Variants in DENND1B observed in about 807,000 individuals in gnomAD.
DENND1B encodes DENN domain containing 1B, also known as DENN domain-containing protein 1B.
A neutral mutation model predicts 90.1 loss-of-function variants in DENND1B; 59 were observed. The observed-to-expected ratio is 0.65, with a 90% CI of 0.53 to 0.81. DENND1B has a LOEUF of 0.81. Ranked by LOEUF, DENND1B falls within the 40% of genes least tolerant of loss-of-function variation. The probability of loss-of-function intolerance (pLI) is 0.00; values close to 1 mark genes in which losing one functional copy is unlikely to be tolerated. For synonymous variants in DENND1B, 337 were observed against 324.6 expected, an observed-to-expected ratio of 1.04 and a Z score of -0.41; for missense variants, 862 against 912.6, an observed-to-expected ratio of 0.94 and a Z score of 0.71.
chr1:197,738,007 G>A (rs144900618), intron 2 of DENND1B, among the ~76,000 whole-genome samples: 28 of 84,418 alleles, frequency 3.3e-4, no homozygotes, highest in African/African-American at 1.1e-3. Context: ...TTTTCTTCCC[G>A]CAGGTTTTGA....
At chr1:197,761,445 A>G (rs1336668077) in intron 2 of DENND1B, among the ~76,000 whole-genome samples, 4 of 152,204 alleles carry the variant, frequency 2.6e-5, no homozygotes, top group Non-Finnish European at 5.9e-5. Context: ...ATAGACCTTG[A>G]GGACATATGA....
At chr1:197,612,080 C>G (rs948108717) in intron 11 of DENND1B, 104 bp from the exon 12 acceptor site, 2 of 865,654 alleles carry the variant, frequency 2.3e-6, no homozygotes, top group Non-Finnish European at 3.6e-6. Context: ...ATTAAATGCT[C>G]AGTTCCAGCA....
At chr1:197,743,935 G>C (rs1298426914) in intron 2 of DENND1B, among the ~76,000 whole-genome samples, 19 of 152,194 alleles carry the variant, frequency 1.2e-4, no homozygotes, top group Admixed American at 1.2e-3. Context: ...TTCACCAGTA[G>C]ATTCCATCTT....
At position 197,775,286 on chromosome 1, in the gene DENND1B, G is replaced by T; in HGVS notation, c.-131C>A. The T allele has an allele frequency of 2.9e-6, 2 of 687,084 alleles. No individual in the cohort carries two copies. The highest frequency in any genetic ancestry group is 4.7e-5 in the Admixed American group (1 of 21,342). 42.6% of individuals were successfully genotyped at this position (687,084 alleles called of 1,614,324 possible). A position where few individuals can be genotyped will look rare whatever the true frequency, so the allele number is the denominator to read the frequency against. ...CACACAGGGAAAGAGGCTGCTCACA[G>T]CAGCCGTGGCGGCGGGCCCATGTCG... On this transcript the variant is annotated 5_prime_UTR_variant, in exon 1 of 23. It adds an upstream start codon to the 5' untranslated region. Transcript: ENST00000620048.
chr1:197,713,701 AT>A (rs1660190975), intron 3 of DENND1B, among the ~76,000 whole-genome samples: 1 of 94,830 alleles, frequency 1.1e-5, no homozygotes, highest in Non-Finnish European at 2.0e-5. Context: ...AACCTGCACA[AT>A]GTGCACATGT....
At chr1:197,615,015 G>A (rs528258534) in intron 11 of DENND1B, among the ~76,000 whole-genome samples, 5 of 151,044 alleles carry the variant, frequency 3.3e-5, no homozygotes, top group African/African-American at 1.2e-4. Context: ...TTCCTCCCAG[G>A]CACCTTCCCT....
chr1:197,770,807 T>TAA (rs1370860202), intron 2 of DENND1B, among the ~76,000 whole-genome samples: 18 of 139,942 alleles, frequency 1.3e-4, no homozygotes, highest in African/African-American at 4.8e-4. Context: ...TAAATATATA[T>TAA]ATAAATATAT....
In DENND1B at chr1:197,539,955, C is replaced by G. The variant is rs770481515; in HGVS notation, c.1515+9G>C. The G allele has an allele frequency of 6.3e-7, 1 of 1,582,018 alleles. No homozygotes were observed. The highest frequency in any genetic ancestry group is 8.7e-7 in the Non-Finnish European group (1 of 1,152,828). Reference sequence around the variant, plus strand: ...TGTGGGGGAATGAAGGGTAAATAACCTTACTTACCTGAGCAAGCTTACGCT... The same window carrying G: ...TGTGGGGGAATGAAGGGTAAATAACGTTACTTACCTGAGCAAGCTTACGCT... On this transcript the variant is annotated intron_variant, in intron 20 of 22. Coordinates refer to ENST00000620048, the MANE Select transcript of DENND1B (RefSeq NM_001195215.2).
At chr1:197,746,811 G>A in intron 2 of DENND1B, 19 of 1,608,626 alleles carry the variant, frequency 1.2e-5, no homozygotes, top group Non-Finnish European at 1.6e-5. Flanking sequence ...CCCCATGCAA[G>A]TTTCTTCTTT....
chr1:197,575,807 T>C (rs1030207624), intron 15 of DENND1B, among the ~76,000 whole-genome samples: 3 of 152,114 alleles, frequency 2.0e-5, no homozygotes, highest in Non-Finnish European at 2.9e-5. Context: ...CTGGAAACCA[T>C]CACTCTCAGC....
In DENND1B at chr1:197,652,320, G is replaced by A. The variant is rs1250323325; in HGVS notation, c.367-5C>T. 2 of 1,601,302 alleles carry A rather than the reference G, an allele frequency of 1.2e-6. No homozygotes were observed. The highest frequency in any genetic ancestry group is 2.3e-5 in the East Asian group (1 of 43,946). On this transcript the variant is annotated splice_polypyrimidine_tract_variant and splice_region_variant and intron_variant, in intron 6 of 22. Coordinates refer to ENST00000620048, the MANE Select transcript of DENND1B (RefSeq NM_001195215.2). ...AGTTTCATTCAAATCATTTTCCTAG[G>A]GCAAAAGAAAAAGTACATTTTATAA...
intron 3 of DENND1B, chr1:197,690,226 G>A: frequency 3.5e-6 from 1 of 285,994 alleles, no homozygotes; most frequent in Non-Finnish European, 7.0e-6. Flanking sequence ...ACTCGTCATG[G>A]CAATGTTGCT....
intron 15 of DENND1B, among the ~76,000 whole-genome samples, chr1:197,574,652 G>C (rs1374497137): frequency 6.6e-6 from 1 of 152,114 alleles, no homozygotes; most frequent in Non-Finnish European, 1.5e-5. Flanking sequence ...TAAGCAAAAA[G>C]AACAAAGCTG....
intron 12 of DENND1B, among the ~76,000 whole-genome samples, chr1:197,607,930 T>C (rs1207495727): frequency 6.6e-6 from 1 of 150,704 alleles, no homozygotes; most frequent in African/African-American, 2.4e-5. Flanking sequence ...TAGGTATACT[T>C]AATTCATATA....
rs531596333 is a variant in DENND1B, at chr1:197,578,764, G to C, written c.1149+4388C>G. Among the ~76,000 whole-genome samples, 10 of 152,066 alleles carry C rather than the reference G, an allele frequency of 6.6e-5. No individual in the cohort carries two copies. In the South Asian group the frequency reaches 2.1e-3, roughly 32 times the overall value. On this transcript the variant is annotated intron_variant, in intron 15 of 22. Transcript: ENST00000620048. ...TTTTAAAATGATAAGTAAACTAGGA[G>C]AACACTGTCTTTCCTTATACCTATG...
intron 15 of DENND1B, among the ~76,000 whole-genome samples, chr1:197,579,281 T>G (rs1206526254): frequency 6.6e-6 from 1 of 152,172 alleles, no homozygotes; most frequent in Non-Finnish European, 1.5e-5. Context: ...ATGTCACTCA[T>G]AATTAAAAGG....
intron 2 of DENND1B, among the ~76,000 whole-genome samples, chr1:197,745,378 G>T (rs1386448979): frequency 6.6e-6 from 1 of 152,006 alleles, no homozygotes; most frequent in Middle Eastern, 3.2e-3. Context: ...ACACTTAGAG[G>T]CCATTGTAGG....
At chr1:197,627,385 A>C (rs953594136) in intron 10 of DENND1B, among the ~76,000 whole-genome samples, 13 of 152,166 alleles carry the variant, frequency 8.5e-5, no homozygotes, top group Non-Finnish European at 1.3e-4. Flanking sequence ...CACGCAAATC[A>C]ATAAATGTAA....
rs371951809 is a variant in DENND1B at position 197,667,908 on chromosome 1, T to G, written c.296+4129A>C. Among the ~76,000 whole-genome samples the G allele has an allele frequency of 3.3e-5, 5 of 152,176 alleles. No individual in the cohort carries two copies. In the East Asian group the frequency reaches 7.7e-4, roughly 23 times the overall value. ...TATCTATATCATAACATCTCAGAGT[T>G]TTAGAGCAGGAAAAAATTGAAATGA... On this transcript the variant is annotated intron_variant, in intron 5 of 22. Coordinates refer to ENST00000620048, the MANE Select transcript of DENND1B (RefSeq NM_001195215.2).
Sources: allele counts gnomAD v4.1 joint callset (sites outside exome capture counted in the v4.1 genomes callset), GRCh38; gene constraint gnomAD v4.1.1; transcripts MANE v1.5; gene names NCBI Gene and HGNC (gene_info 2026-07-23, HGNC 2026-07-21).